CACNA2D1: variants seen among roughly 807,000 people sequenced by gnomAD.
The protein encoded by CACNA2D1 is voltage-dependent calcium channel subunit alpha-2/delta-1.
CACNA2D1 carries 53 observed loss-of-function variants against 171.5 expected under a neutral mutation model. The observed-to-expected ratio is 0.31, with a 90% CI of 0.25 to 0.39. CACNA2D1 has a LOEUF of 0.39. CACNA2D1 is among the 10% of genes least tolerant of loss of function. The pLI, the probability that CACNA2D1 is intolerant of heterozygous loss-of-function variation, is 1.00. For synonymous variants in CACNA2D1, 442 were observed against 443.1 expected, an observed-to-expected ratio of 1.00 and a Z score of 0.03; for missense variants, 903 against 1,299.8, an observed-to-expected ratio of 0.69 and a Z score of 4.69.
At chr7:82,415,529 TA>T (rs925103628) in intron 1 of CACNA2D1, among the ~76,000 whole-genome samples, 2 of 148,362 alleles carry the variant, frequency 1.3e-5, no homozygotes, top group African/African-American at 2.5e-5. Flanking sequence ...AAACTCCATC[TA>T]AAAAAAAACA....
At chr7:82,414,339 T>C (rs1439396916) in intron 1 of CACNA2D1, among the ~76,000 whole-genome samples, 1 of 152,160 alleles carries the variant, frequency 6.6e-6, no homozygotes, top group Non-Finnish European at 1.5e-5. Flanking sequence ...ATTTTACTGA[T>C]GAGGAATAGA....
At chr7:81,968,104 T>C (rs1562793480) in intron 29 of CACNA2D1, among the ~76,000 whole-genome samples, 2 of 151,378 alleles carry the variant, frequency 1.3e-5, no homozygotes, top group Non-Finnish European at 3.0e-5. Context: ...ACTGATTTAG[T>C]AAGTAATTGA....
intron 3 of CACNA2D1, among the ~76,000 whole-genome samples, chr7:82,240,081 C>T (rs1045586139): frequency 3.3e-5 from 5 of 152,214 alleles, no homozygotes; most frequent in Admixed American, 1.3e-4. Flanking sequence ...CAGTTATGAA[C>T]TACAATTTTA....
Position 82,303,572 on chromosome 7 carries a change from A to T in CACNA2D1, c.294+31563T>A, listed in dbSNP as rs539511594. On this transcript the variant is annotated intron_variant, in intron 3 of 38. Coordinates refer to ENST00000356860, the MANE Select transcript of CACNA2D1 (RefSeq NM_000722.4). ...GCAATAGTAACCAAAATAGTATGGC[A>T]TTGCTATAAAAATAGACACATAGAC... Among the ~76,000 whole-genome samples, 79 of 152,296 alleles carry T rather than the reference A, an allele frequency of 5.2e-4. 2 individuals are homozygous for T. Among genetic ancestry groups the T allele is most frequent in the South Asian group, 2.7e-3 (13 of 4,828 alleles).
chr7:82,358,856 T>C (rs1820761281), intron 1 of CACNA2D1, among the ~76,000 whole-genome samples: 1 of 152,152 alleles, frequency 6.6e-6, no homozygotes, highest in Admixed American at 6.5e-5. Flanking sequence ...TTGGATTGAT[T>C]TTTGTTTTAT....
At chr7:82,367,609 A>T (rs1464148956) in intron 1 of CACNA2D1, among the ~76,000 whole-genome samples, 2 of 152,178 alleles carry the variant, frequency 1.3e-5, no homozygotes, top group Non-Finnish European at 2.9e-5. Context: ...CCCAAGAGAA[A>T]GTGTTTTTCA....
chr7:82,310,342 T>C (rs1211314248), intron 3 of CACNA2D1, among the ~76,000 whole-genome samples: 5 of 152,046 alleles, frequency 3.3e-5, no homozygotes, highest in African/African-American at 1.2e-4. Context: ...GTATGTGTAT[T>C]TGTTGAGAAA....
chr7:82,393,082 G>GC (rs1465669935), intron 1 of CACNA2D1, among the ~76,000 whole-genome samples: 38 of 112,244 alleles, frequency 3.4e-4, no homozygotes, highest in Non-Finnish European at 4.7e-4. Flanking sequence ...AGGAAGGAAG[G>GC]AAGGCAGGCA....
At chr7:82,322,644 A>G (rs1312546401) in intron 3 of CACNA2D1, among the ~76,000 whole-genome samples, 2 of 152,084 alleles carry the variant, frequency 1.3e-5, no homozygotes, top group Admixed American at 6.6e-5. Flanking sequence ...ATAAAATTTA[A>G]AAAGATTTAT....
intron 5 of CACNA2D1, among the ~76,000 whole-genome samples, chr7:82,126,924 T>A (rs565701693): frequency 2.0e-5 from 3 of 152,310 alleles, no homozygotes; most frequent in East Asian, 3.9e-4. Context: ...TTTCTGTGCA[T>A]CAAGCAATGG....
intron 1 of CACNA2D1, among the ~76,000 whole-genome samples, chr7:82,361,748 GAGA>G (rs1182265693): frequency 6.6e-6 from 1 of 152,076 alleles, no homozygotes; most frequent in Non-Finnish European, 1.5e-5. Context: ...ACAGTTATTG[GAGA>G]AGGCTTTTTT....
At chr7:82,114,454 A>C in intron 6 of CACNA2D1, among the ~76,000 whole-genome samples, 1 of 152,172 alleles carries the variant, frequency 6.6e-6, no homozygotes, top group East Asian at 1.9e-4. Flanking sequence ...GAGAACATTA[A>C]AGTAAAGAGG....
intron 31 of CACNA2D1, 152 bp downstream of exon 31, chr7:81,967,017 A>G (rs533576553): frequency 1.6e-6 from 1 of 616,426 alleles, no homozygotes; most frequent in East Asian, 2.8e-5. Context: ...TCAAAAGCAT[A>G]CAAATTCAAA....
At chr7:82,070,501 G>A (rs1808199223) in intron 7 of CACNA2D1, among the ~76,000 whole-genome samples, 1 of 152,184 alleles carries the variant, frequency 6.6e-6, no homozygotes, top group African/African-American at 2.4e-5. Context: ...AGGCAGTTAT[G>A]CAGTCTTAAA....
chr7:82,102,955 A>T (rs367798128), intron 6 of CACNA2D1, among the ~76,000 whole-genome samples: 1 of 152,194 alleles, frequency 6.6e-6, no homozygotes, highest in East Asian at 1.9e-4. Flanking sequence ...CATTACAGAC[A>T]TAACCTATAT....
chr7:82,363,757 T>A (rs1041165182), intron 1 of CACNA2D1, among the ~76,000 whole-genome samples: 25 of 152,266 alleles, frequency 1.6e-4, no homozygotes, highest in African/African-American at 6.0e-4. Context: ...GACCAGGTGG[T>A]GTTCAGGCAG....
chr7:81,951,858 G>C (rs1041392637), intron 38 of CACNA2D1, among the ~76,000 whole-genome samples: 17 of 151,674 alleles, frequency 1.1e-4, no homozygotes, highest in African/African-American at 3.9e-4. Flanking sequence ...ATACACAGCA[G>C]TGGGACTACT....
chr7:82,246,550 G>A (rs1368854350), intron 3 of CACNA2D1, among the ~76,000 whole-genome samples: 1 of 152,130 alleles, frequency 6.6e-6, no homozygotes, highest in African/African-American at 2.4e-5. Flanking sequence ...TCTGATCTGT[G>A]AGTGTATGAG....
chr7:82,119,563 A>T (rs1280493931), intron 5 of CACNA2D1, among the ~76,000 whole-genome samples: 2 of 152,222 alleles, frequency 1.3e-5, no homozygotes, highest in South Asian at 2.1e-4. Context: ...ATTTATAAAA[A>T]GCATTGATTT....
Sources: gnomAD v4.1 joint callset for allele counts (sites outside exome capture counted in the v4.1 genomes callset) on GRCh38, gnomAD v4.1.1 for gene constraint, MANE v1.5 for transcripts, NCBI Gene and HGNC (gene_info 2026-07-23, HGNC 2026-07-21) for gene names.